The following COX7B2 variants were observed in gnomAD, a reference collection of about 807,000 sequenced individuals.
COX7B2 encodes cytochrome c oxidase subunit 7B2.
For synonymous variants in COX7B2, 37 were observed against 32.1 expected, an observed-to-expected ratio of 1.15 and a Z score of -0.51; for missense variants, 109 against 95.9, an observed-to-expected ratio of 1.14 and a Z score of -0.57.
At chr4:46,846,246 A>C (rs886274050) in intron 1 of COX7B2, among the ~76,000 whole-genome samples, 3 of 152,072 alleles carry the variant, frequency 2.0e-5, no homozygotes, top group Non-Finnish European at 2.9e-5. Context: ...AGAACATTTA[A>C]CGGCTTCAGA....
chr4:46,768,744 C>A (rs1302029309), intron 2 of COX7B2, among the ~76,000 whole-genome samples: 1 of 151,546 alleles, frequency 6.6e-6, no homozygotes, highest in African/African-American at 2.4e-5. Flanking sequence ...ATGAAAGAAT[C>A]AAAAAAATAC....
chr4:46,788,486 G>C (rs1440205556), intron 2 of COX7B2, among the ~76,000 whole-genome samples: 1 of 152,050 alleles, frequency 6.6e-6, no homozygotes, highest in African/African-American at 2.4e-5. Context: ...AAGTAAAATG[G>C]CTGTTTGTAA....
rs144841781 is a variant in COX7B2 at position 46,828,870 on chromosome 4, T to C, written c.-50+16090A>G. ...TGTAAAAAAGGTAATTGCAGAAAAA[T>C]ATAAGAGAGCCCTTGTGCAGATTGA... is the stretch of plus-strand genomic sequence containing the variant. On this transcript the variant is annotated intron_variant, in intron 2 of 2. Transcript: ENST00000355591. Among the ~76,000 whole-genome samples the C allele has an allele frequency of 4.5e-3, 677 of 152,104 alleles. 6 individuals are homozygous for C. The highest frequency in any genetic ancestry group is 0.016 in the African/African-American group (656 of 41,528).
chr4:46,785,402 C>G (rs1031056549), intron 2 of COX7B2, among the ~76,000 whole-genome samples: 1 of 147,594 alleles, frequency 6.8e-6, no homozygotes, highest in Non-Finnish European at 1.5e-5. Flanking sequence ...GAGACGGAGT[C>G]TTGCTCTGTC....
At chr4:46,745,154 C>T (rs6812095) in intron 2 of COX7B2, among the ~76,000 whole-genome samples, 49,774 of 152,074 alleles carry the variant, frequency 0.33, 8,403 homozygotes, top group South Asian at 0.47. Flanking sequence ...TTTGATAAAA[C>T]TACCCATTTA....
chr4:46,739,880 G>T (rs1714600476), intron 2 of COX7B2, among the ~76,000 whole-genome samples: 1 of 151,928 alleles, frequency 6.6e-6, no homozygotes, highest in Non-Finnish European at 1.5e-5. Context: ...CTTTGCTATG[G>T]CATTTGACTC....
intron 2 of COX7B2, among the ~76,000 whole-genome samples, chr4:46,807,622 C>T (rs1577728827): frequency 6.6e-6 from 1 of 151,784 alleles, no homozygotes; most frequent in South Asian, 2.1e-4. Flanking sequence ...ACATACTCTT[C>T]CAGGAGCTTT....
intron 1 of COX7B2, among the ~76,000 whole-genome samples, chr4:46,889,674 G>A (rs527518404): frequency 1.3e-5 from 2 of 152,266 alleles, no homozygotes; most frequent in South Asian, 4.2e-4. Context: ...CAAAAGGAAT[G>A]CCTCTTGAGG....
chr4:46,804,113 T>C (rs1043837057), intron 2 of COX7B2, among the ~76,000 whole-genome samples: 1 of 151,994 alleles, frequency 6.6e-6, no homozygotes, highest in African/African-American at 2.4e-5. Flanking sequence ...TCACAGTGAG[T>C]GTCACAGCTC....
chr4:46,867,773 A>G (rs1717757803), intron 1 of COX7B2, among the ~76,000 whole-genome samples: 1 of 152,158 alleles, frequency 6.6e-6, no homozygotes, highest in Non-Finnish European at 1.5e-5. Flanking sequence ...TGGATTTGGT[A>G]TGCTAATTTT....
intron 1 of COX7B2, among the ~76,000 whole-genome samples, chr4:46,867,740 A>G (rs1240352055): frequency 6.6e-6 from 1 of 152,120 alleles, no homozygotes; most frequent in Non-Finnish European, 1.5e-5. Context: ...ATCATGATGG[A>G]TTTTAGCTTT....
chr4:46,745,772 C>A (rs779859518), intron 2 of COX7B2, among the ~76,000 whole-genome samples: 4 of 152,068 alleles, frequency 2.6e-5, no homozygotes, highest in Non-Finnish European at 4.4e-5. Flanking sequence ...AGAAAGCAAG[C>A]CTGAAAGAGG....
intron 2 of COX7B2, among the ~76,000 whole-genome samples, chr4:46,837,331 G>T (rs182810409): frequency 3.3e-5 from 5 of 150,832 alleles, no homozygotes; most frequent in Admixed American, 2.6e-4. Context: ...ATATGGTTCA[G>T]CCATAAGAAG....
chr4:46,741,232 A>C (rs1714684999), intron 2 of COX7B2, among the ~76,000 whole-genome samples: 1 of 152,144 alleles, frequency 6.6e-6, no homozygotes, highest in Non-Finnish European at 1.5e-5. Context: ...TCAGAGGAAG[A>C]TGAAGCTCAA....
intron 1 of COX7B2, among the ~76,000 whole-genome samples, chr4:46,887,593 C>T (rs1161030374): frequency 6.6e-6 from 1 of 151,700 alleles, no homozygotes; most frequent in Non-Finnish European, 1.5e-5. Flanking sequence ...CGCCTGTAGT[C>T]CCAGCTACTC....
At chr4:46,782,775 T>C (rs1717550057) in intron 2 of COX7B2, among the ~76,000 whole-genome samples, 1 of 152,078 alleles carries the variant, frequency 6.6e-6, no homozygotes, top group South Asian at 2.1e-4. Context: ...CTTTAAGAGC[T>C]GTAAGGCTCA....
intron 1 of COX7B2, among the ~76,000 whole-genome samples, chr4:46,878,801 C>T (rs1469159093): frequency 1.3e-5 from 2 of 152,150 alleles, no homozygotes; most frequent in African/African-American, 4.8e-5. Flanking sequence ...TAAAAGTCTA[C>T]CCCTTCTCTC....
At chr4:46,763,931 A>G (rs1263649214) in intron 2 of COX7B2, among the ~76,000 whole-genome samples, 2 of 152,200 alleles carry the variant, frequency 1.3e-5, no homozygotes, top group African/African-American at 4.8e-5. Context: ...GCCTGAATAT[A>G]ATTTAGCTAC....
intron 2 of COX7B2, among the ~76,000 whole-genome samples, chr4:46,797,092 TAAAAAAAAAAAAAA>T (rs762801656): frequency 1.5e-3 from 95 of 62,566 alleles, no homozygotes; most frequent in Middle Eastern, 8.6e-3. Flanking sequence ...TAGAGTATAA[TAAAAAAAAAAAAAA>T]AAAAAAAAAA....
Sources: gnomAD v4.1 joint callset for allele counts (sites outside exome capture counted in the v4.1 genomes callset) on GRCh38, gnomAD v4.1.1 for gene constraint, MANE v1.5 for transcripts, NCBI Gene and HGNC (gene_info 2026-07-23, HGNC 2026-07-21) for gene names.